CCDC146: variants seen among roughly 807,000 people sequenced by gnomAD.
The protein encoded by CCDC146 is coiled-coil domain containing 146.
A neutral mutation model predicts 119.3 loss-of-function variants in CCDC146; 92 were observed. The ratio of observed to expected loss-of-function variants is 0.77; its 90% CI spans 0.65 to 0.92. The LOEUF (loss-of-function observed/expected upper bound fraction) is 0.92, where lower values mean the gene tolerates loss of function less well. Among genes scored for constraint, CCDC146 ranks in the 40% least tolerant of loss-of-function variants. The pLI is 0.00. For missense variants in CCDC146, 1,000 were observed against 1,103.0 expected, an observed-to-expected ratio of 0.91 and a Z score of 1.32; for synonymous variants, 372 against 371.8, an observed-to-expected ratio of 1.00 and a Z score of -0.01.
chr7:77,241,337 A>C (rs1237206669), intron 3 of CCDC146, among the ~76,000 whole-genome samples: 1 of 95,250 alleles, frequency 1.0e-5, no homozygotes, highest in Non-Finnish European at 3.0e-5. Flanking sequence ...GATTACAGGC[A>C]TGAGCCATCG....
At chr7:77,145,949 C>G (rs1397640379) in intron 1 of CCDC146, among the ~76,000 whole-genome samples, 1 of 151,972 alleles carries the variant, frequency 6.6e-6, no homozygotes, top group African/African-American at 2.4e-5. Flanking sequence ...TGGTGCAGAG[C>G]TGAGTTCAAT....
At chr7:77,146,626 A>G (rs1791024006) in intron 1 of CCDC146, among the ~76,000 whole-genome samples, 1 of 152,046 alleles carries the variant, frequency 6.6e-6, no homozygotes, top group African/African-American at 2.4e-5. Context: ...ATCTCTCAGC[A>G]TTTGCTTGTC....
intron 4 of CCDC146, among the ~76,000 whole-genome samples, chr7:77,252,818 G>A (rs1442941627): frequency 2.0e-5 from 3 of 152,370 alleles, no homozygotes; most frequent in African/African-American, 4.8e-5. Flanking sequence ...TGCAAGTCAT[G>A]CAGCCACGTC....
At chr7:77,241,190 T>C (rs1237583036) in intron 3 of CCDC146, among the ~76,000 whole-genome samples, 1 of 148,656 alleles carries the variant, frequency 6.7e-6, no homozygotes, top group Non-Finnish European at 1.5e-5. Context: ...CCCGAGTAGC[T>C]GGGACTACAG....
At chr7:77,198,790 A>G (rs897243401) in intron 2 of CCDC146, 1 of 227,260 alleles carries the variant, frequency 4.4e-6, no homozygotes, top group African/African-American at 2.3e-5. Flanking sequence ...GTCAATCACA[A>G]GAAAAACTGA....
Position 77,280,625 on chromosome 7 carries a change from G to T in CCDC146, c.1891G>T (p.Glu631Ter). The T allele has an allele frequency of 6.2e-7, 1 of 1,613,076 alleles. No homozygotes were observed. Among genetic ancestry groups the T allele is most frequent in the South Asian group, 1.1e-5 (1 of 90,802 alleles). ...EEMVQLRKRY[E>*]KAVQHRNESG... ...GATGGTGCAGCTTCGCAAAAGATAC[G>T]AAAAAGCTGTTCAGCATCGAAATGA... is the stretch of plus-strand genomic sequence containing the variant. The change falls in exon 14 of 19, where the codon GAA becomes TAA. Residue 631 changes from glutamate to a stop codon, truncating the protein, a stop_gained. Transcript: ENST00000285871. LOFTEE classifies it high-confidence loss of function.
intron 3 of CCDC146, among the ~76,000 whole-genome samples, chr7:77,238,573 C>T (rs553427154): frequency 3.3e-5 from 5 of 152,274 alleles, no homozygotes; most frequent in Non-Finnish European, 5.9e-5. Flanking sequence ...CCCGCCACCA[C>T]ACCCAGCTAA....
chr7:77,133,930 T>C (rs1790824396), intron 1 of CCDC146, among the ~76,000 whole-genome samples: 1 of 152,048 alleles, frequency 6.6e-6, no homozygotes, highest in Admixed American at 6.5e-5. Flanking sequence ...GGAGTAATTA[T>C]GATTATTTTG....
At position 77,190,802 on chromosome 7, in the gene CCDC146, T is replaced by C. The variant is rs560443822; in HGVS notation, c.156+22978T>C. Among the ~76,000 whole-genome samples the C allele has an allele frequency of 2.6e-5, 4 of 152,344 alleles. No homozygotes were observed. The South Asian group carries it at 8.3e-4, about 32-fold the overall frequency. On this transcript the variant is annotated intron_variant, in intron 2 of 18. Coordinates refer to ENST00000285871, the MANE Select transcript of CCDC146 (RefSeq NM_020879.3). ...ATTGGCCACCTCGGCTTGTTACCTC[T>C]GGGGAGAGGGACAGGATTGAAATTG...
chr7:77,206,648 CAT>C (rs59790661), intron 2 of CCDC146, among the ~76,000 whole-genome samples: 13,222 of 138,966 alleles, frequency 0.095, 896 homozygotes, highest in East Asian at 0.26. Flanking sequence ...AAGAAACATA[CAT>C]ATATATATAT....
chr7:77,180,318 A>T (rs535505815), intron 2 of CCDC146, among the ~76,000 whole-genome samples: 23 of 152,008 alleles, frequency 1.5e-4, no homozygotes, highest in Admixed American at 6.6e-5. Context: ...TTATCCATTC[A>T]TCCACTGATG....
In CCDC146 at chr7:77,175,537, C is replaced by T. The variant is rs1412639781; in HGVS notation, c.156+7713C>T. ...ATGGATTAAGTTTGTTAATATATGA[C>T]CTTTTCACGAAAACAAGTTATATAT... On this transcript the variant is annotated intron_variant, in intron 2 of 18. Coordinates refer to ENST00000285871, the MANE Select transcript of CCDC146 (RefSeq NM_020879.3). Among the ~76,000 whole-genome samples, 16 of 150,954 alleles carry T rather than the reference C, an allele frequency of 1.1e-4. 2 individuals carry two copies. Among genetic ancestry groups the T allele is most frequent in the African/African-American group, 2.0e-4 (8 of 40,552 alleles).
intron 18 of CCDC146, among the ~76,000 whole-genome samples, 200 bp from the exon 19 acceptor site, chr7:77,294,463 G>GGTGTGTGTGTGTGT (rs61323999): frequency 1.7e-3 from 226 of 134,294 alleles, no homozygotes; most frequent in Middle Eastern, 7.2e-3. Context: ...ATGAGAGGTA[G>GGTGTGTGTGTGTGT]GTGTGTGTGT....
At chr7:77,277,738 G>A (rs1016799373) in intron 11 of CCDC146, among the ~76,000 whole-genome samples, 1 of 152,128 alleles carries the variant, frequency 6.6e-6, no homozygotes, top group African/African-American at 2.4e-5. Flanking sequence ...TTAGAAAAAT[G>A]CTACACATCA....
intron 2 of CCDC146, chr7:77,193,942 A>G (rs1395177934): frequency 2.0e-5 from 3 of 152,566 alleles, no homozygotes; most frequent in African/African-American, 7.2e-5. Context: ...TTCCATCAAC[A>G]TGTTAAATGT....
At position 77,262,251 on chromosome 7, in the gene CCDC146, G is replaced by A. The variant is rs1381220967; in HGVS notation, c.1117G>A (p.Val373Met). ...NLRKMELLLK[V>M]SWDALRQTQA... Reference sequence around the variant, plus strand: ...AAGAAAGATGGAACTGCTCTTGAAAGTGTCCTGGGATGCACTTAGGCAAAC... The same window carrying A: ...AAGAAAGATGGAACTGCTCTTGAAAATGTCCTGGGATGCACTTAGGCAAAC... The change falls in exon 9 of 19, where the codon GTG becomes ATG. Residue 373 changes from valine (V) to methionine (M), a missense_variant. Val to Met is a conservative substitution (Grantham distance 21). Around this residue, in one of 2 missense-constraint regions of CCDC146, gnomAD observed 985 missense variants for 1,045.3 expected, o/e 0.94. Coordinates refer to ENST00000285871, the MANE Select transcript of CCDC146 (RefSeq NM_020879.3). The A allele has an allele frequency of 3.7e-6, 6 of 1,614,068 alleles. No individual in the cohort carries two copies. In the South Asian group the frequency reaches 5.5e-5, roughly 15 times the overall value.
At chr7:77,175,848 C>T (rs1464250503) in intron 2 of CCDC146, among the ~76,000 whole-genome samples, 2 of 151,138 alleles carry the variant, frequency 1.3e-5, no homozygotes, top group Non-Finnish European at 1.5e-5. Context: ...TGCTAGATAC[C>T]ATGAGAATTT....
At chr7:77,140,040 G>A (rs1251677166) in intron 1 of CCDC146, among the ~76,000 whole-genome samples, 3 of 151,848 alleles carry the variant, frequency 2.0e-5, no homozygotes, top group Non-Finnish European at 4.4e-5. Flanking sequence ...GATTACAGGC[G>A]TGCACCATCA....
At chr7:77,185,916 G>A (rs1295545438) in intron 2 of CCDC146, among the ~76,000 whole-genome samples, 2 of 152,168 alleles carry the variant, frequency 1.3e-5, no homozygotes, top group Admixed American at 6.6e-5. Flanking sequence ...GATCATGAGA[G>A]AAGTGCAAAT....
Sources: gnomAD v4.1 joint callset for allele counts (sites outside exome capture counted in the v4.1 genomes callset) on GRCh38, gnomAD v4.1.1 for gene constraint, gnomAD v4.1.1 regional missense constraint, MANE v1.5 for transcripts, NCBI Gene and HGNC (gene_info 2026-07-23, HGNC 2026-07-21) for gene names.